Variants in RBFOX1 observed in about 807,000 individuals in gnomAD.
The protein encoded by RBFOX1 is RNA binding fox-1 homolog 1.
A neutral mutation model predicts 57.7 loss-of-function variants in RBFOX1; 8 were observed. The observed-to-expected ratio is 0.14, with a 90% CI of 0.08 to 0.25. The LOEUF is 0.25. Among genes scored for constraint, RBFOX1 ranks in the 10% least tolerant of loss-of-function variants. RBFOX1 has a pLI of 1.00. For synonymous variants in RBFOX1, 326 were observed against 222.4 expected (o/e 1.47, Z -4.15); for missense variants, 611 against 548.5 (o/e 1.11, Z -1.14).
At chr16:6,831,712 C>G (rs908323160) in intron 3 of RBFOX1, among the ~76,000 whole-genome samples, 3 of 152,158 alleles carry the variant, frequency 2.0e-5, no homozygotes, top group African/African-American at 7.2e-5. Flanking sequence ...TTGCCCCTTC[C>G]TCCATCTCTT....
chr16:7,205,267 C>T (rs535411767), intron 4 of RBFOX1, among the ~76,000 whole-genome samples: 51 of 152,146 alleles, frequency 3.4e-4, no homozygotes, highest in Middle Eastern at 3.4e-3. Context: ...CCTGTAATCC[C>T]AGTGCTTAGG....
At chr16:7,446,786 G>A (rs2098811195) in intron 4 of RBFOX1, among the ~76,000 whole-genome samples, 1 of 141,756 alleles carries the variant, frequency 7.1e-6, no homozygotes, top group East Asian at 2.2e-4. Flanking sequence ...TCAAGCCAAG[G>A]TAGGTCTAGG....
chr16:5,808,300 C>T (rs1352997644), intron 3 of RBFOX1, among the ~76,000 whole-genome samples: 2 of 152,166 alleles, frequency 1.3e-5, no homozygotes, highest in African/African-American at 2.4e-5. Context: ...GTACCAGTGC[C>T]ATGCTGTTTT....
At chr16:5,726,493 T>C (rs1220033585) in intron 3 of RBFOX1, among the ~76,000 whole-genome samples, 1 of 152,180 alleles carries the variant, frequency 6.6e-6, no homozygotes, top group Non-Finnish European at 1.5e-5. Context: ...TCCTTCACTC[T>C]GTGGTGACCA....
At chr16:6,727,405 A>G (rs909848923) in intron 3 of RBFOX1, among the ~76,000 whole-genome samples, 3 of 151,998 alleles carry the variant, frequency 2.0e-5, no homozygotes, top group African/African-American at 4.8e-5. Context: ...TCATTTTACA[A>G]TTGTTCCTGG....
intron 2 of RBFOX1, among the ~76,000 whole-genome samples, chr16:6,466,364 G>A (rs1034683484): frequency 6.6e-6 from 1 of 151,926 alleles, no homozygotes; most frequent in African/African-American, 2.4e-5. Flanking sequence ...GTTATGGTGC[G>A]AGGTACTTTC....
intron 3 of RBFOX1, among the ~76,000 whole-genome samples, chr16:6,974,677 A>G (rs749479301): frequency 2.6e-5 from 4 of 152,076 alleles, no homozygotes; most frequent in Non-Finnish European, 4.4e-5. Flanking sequence ...CATTTCTGGA[A>G]GACCATCAGG....
chr16:6,058,864 C>G (rs2095649464), intron 1 of RBFOX1, among the ~76,000 whole-genome samples: 1 of 150,824 alleles, frequency 6.6e-6, no homozygotes, highest in Non-Finnish European at 1.5e-5. Flanking sequence ...ATCCATCCAT[C>G]CATCCATCCA....
chr16:7,649,485 T>A (rs2064483740), intron 11 of RBFOX1, among the ~76,000 whole-genome samples: 1 of 152,202 alleles, frequency 6.6e-6, no homozygotes, highest in Non-Finnish European at 1.5e-5. Flanking sequence ...TGTCTTGGCC[T>A]CATTTTTCCT....
At chr16:6,750,984 C>A (rs2074829899) in intron 3 of RBFOX1, among the ~76,000 whole-genome samples, 2 of 151,746 alleles carry the variant, frequency 1.3e-5, no homozygotes, top group African/African-American at 2.4e-5. Context: ...TGCCAACTGG[C>A]CAAAAAGAGG....
chr16:5,488,969 T>G (rs1014054093), intron 2 of RBFOX1, among the ~76,000 whole-genome samples: 2 of 152,224 alleles, frequency 1.3e-5, no homozygotes, highest in African/African-American at 4.8e-5. Flanking sequence ...ATACATCTCA[T>G]TTAGTCTTTG....
At chr16:7,374,646 T>A (rs2097650145) in intron 4 of RBFOX1, among the ~76,000 whole-genome samples, 1 of 152,016 alleles carries the variant, frequency 6.6e-6, no homozygotes, top group African/African-American at 2.4e-5. Context: ...AACAAAAAAA[T>A]TAAAAATAAA....
chr16:6,024,481 C>T (rs2095147460), intron 1 of RBFOX1, among the ~76,000 whole-genome samples: 1 of 151,908 alleles, frequency 6.6e-6, no homozygotes, highest in Non-Finnish European at 1.5e-5. Context: ...AATGAGTATT[C>T]TACTCATCTC....
intron 3 of RBFOX1, among the ~76,000 whole-genome samples, chr16:7,023,541 A>G (rs1239210701): frequency 7.1e-6 from 1 of 140,954 alleles, no homozygotes; most frequent in Non-Finnish European, 1.5e-5. Context: ...AGCCTGGCCA[A>G]CATGGTGAAA....
chr16:5,334,966 T>C (rs1250710593), intron 1 of RBFOX1, among the ~76,000 whole-genome samples: 2 of 152,150 alleles, frequency 1.3e-5, no homozygotes, highest in Admixed American at 6.5e-5. Context: ...TCTTGTAGTA[T>C]AGACTTCAAG....
chr16:7,155,732 TATATATACAC>T (rs1216720446), intron 4 of RBFOX1, among the ~76,000 whole-genome samples: 157 of 89,200 alleles, frequency 1.8e-3, no homozygotes, highest in African/African-American at 2.4e-3. Flanking sequence ...TATATATATA[TATATATACAC>T]ACACACACAC....
intron 1 of RBFOX1, among the ~76,000 whole-genome samples, chr16:6,273,020 G>A (rs2075372773): frequency 6.6e-6 from 1 of 152,126 alleles, no homozygotes; most frequent in African/African-American, 2.4e-5. Flanking sequence ...AGCACTTTGG[G>A]AGGCTGAGGC....
In RBFOX1 at chr16:6,847,303, A is replaced by T. The variant is rs116996679; in HGVS notation, c.-16+192653A>T. 7.5e-4 allele frequency among the ~76,000 whole-genome samples: 114 copies of T among 152,254 alleles called. No homozygotes were observed. In the East Asian group the frequency reaches 0.02, roughly 27 times the overall value. Reference sequence around the variant, plus strand: ...TGGCCCAGACTGTGCTCATTTGGACAGCTCTGCTTCATGCTATGGGTCCAG... The same window carrying T: ...TGGCCCAGACTGTGCTCATTTGGACTGCTCTGCTTCATGCTATGGGTCCAG... On this transcript the variant is annotated intron_variant, in intron 3 of 15. Coordinates refer to ENST00000550418, the MANE Select transcript of RBFOX1 (RefSeq NM_018723.4).
chr16:7,644,457 G>C (rs1161527843), intron 11 of RBFOX1, among the ~76,000 whole-genome samples: 2 of 152,194 alleles, frequency 1.3e-5, no homozygotes, highest in Non-Finnish European at 2.9e-5. Flanking sequence ...TTTTAGACAA[G>C]GGAGGTCCAG....
Sources: gnomAD v4.1 joint callset for allele counts (sites outside exome capture counted in the v4.1 genomes callset) on GRCh38, gnomAD v4.1.1 for gene constraint, MANE v1.5 for transcripts, NCBI Gene and HGNC (gene_info 2026-07-23, HGNC 2026-07-21) for gene names.